Variants in IDS observed in about 807,000 individuals in gnomAD.
IDS encodes iduronate 2-sulfatase.
IDS carries 1 observed loss-of-function variant against 33.5 expected under a neutral mutation model. The observed-to-expected ratio is 0.03, with a 90% CI of 0.01 to 0.14. The LOEUF (loss-of-function observed/expected upper bound fraction) is 0.14. Among genes scored for constraint, IDS ranks in the 10% least tolerant of loss-of-function variants. IDS has a pLI of 1.00. For synonymous variants in IDS, 191 were observed against 184.4 expected (o/e 1.04, Z -0.29); for missense variants, 328 against 448.0 (o/e 0.73, Z 2.42).
In IDS at chrX:149,503,213, G is replaced by A. The variant is rs782124405; in HGVS notation, c.418+99C>T. 311 of 1,169,343 alleles carry A rather than the reference G, an allele frequency of 2.7e-4. 1 individual carries two copies. Among genetic ancestry groups the A allele is most frequent in the Non-Finnish European group, 3.0e-4 (261 of 874,004 alleles). ...GACTAGCGAGGGACTCGCCCAGCCA[G>A]AAGAGGGCTCTGCAAAGACAGCCCC... On this transcript the variant is annotated intron_variant, in intron 3 of 8. Transcript: ENST00000340855.
chrX:149,498,102 T>C lies in IDS; in HGVS notation c.708+5A>G, dbSNP rs199644275. The C allele has an allele frequency of 8.3e-7, 1 of 1,201,958 alleles. No homozygotes were observed. Among genetic ancestry groups the C allele is most frequent in the Non-Finnish European group, 1.1e-6 (1 of 887,777 alleles). ...TGCTGGATCAGCCCTCAACCAGCTC[T>C]TCACCTTGGGGTATCTGAAGGGGAT... On this transcript the variant is annotated splice_donor_5th_base_variant and intron_variant, in intron 5 of 8. Transcript: ENST00000340855.
In IDS at chrX:149,505,081, G is replaced by C. The variant is rs1213093718; in HGVS notation, c.57C>G (p.Ser19=). The C allele has an allele frequency of 8.3e-7, 1 of 1,207,447 alleles. No homozygotes were observed. Among genetic ancestry groups the C allele is most frequent in the East Asian group, 3.0e-5 (1 of 33,587 alleles). Residue 19 remains serine (S), a synonymous_variant, in exon 1 of 9, where the codon TCC becomes TCG. Transcript: ENST00000340855. ...GLLWLGLVLS[S]VCVALGSETQ... ...TTTCGGATCCGAGGGCGACGCAGAC[G>C]GAGCTCAGAACCAGACCCAGCCAGA...
chrX:149,505,007 G>C (rs2089513741), intron 1 of IDS, 28 bp downstream of exon 1: 5 of 1,083,408 alleles, frequency 4.6e-6, no homozygotes, highest in Non-Finnish European at 6.4e-6. Context: ...GAAGGGAGAA[G>C]AGATGGCAGG....
chrX:149,500,249 C>T (rs1557339807), intron 4 of IDS, among the ~76,000 whole-genome samples: 1 of 111,672 alleles, frequency 9.0e-6, no homozygotes. Flanking sequence ...AGCCACAAGC[C>T]AAAGGCCAGA....
intron 3 of IDS, chrX:149,502,179 T>G (rs782287169): frequency 1.2e-5 from 4 of 328,939 alleles, no homozygotes; most frequent in Non-Finnish European, 2.4e-5. Context: ...CCACAAGGGC[T>G]GCAGGGAAAG....
At chrX:149,497,108 C>T (rs369146470) in intron 5 of IDS, among the ~76,000 whole-genome samples, 1 of 111,282 alleles carries the variant, frequency 9.0e-6, no homozygotes, top group African/African-American at 3.3e-5. Context: ...CCTCATTATC[C>T]AGTTTTTATT....
intron 8 of IDS, among the ~76,000 whole-genome samples, chrX:149,485,169 C>T (rs5980473): frequency 0.041 from 4,570 of 111,954 alleles, 84 homozygotes; most frequent in African/African-American, 0.077. Flanking sequence ...GCCACTGTGA[C>T]GACTTTTACT....
intron 6 of IDS, among the ~76,000 whole-genome samples, chrX:149,495,302 T>C (rs1261499071): frequency 8.9e-6 from 1 of 111,852 alleles, no homozygotes; most frequent in East Asian, 2.8e-4. Flanking sequence ...ATTTGAGGAA[T>C]GTACACCTCT....
In IDS at chrX:149,501,007, G is replaced by A. The variant is rs1406337035; in HGVS notation, c.449C>T (p.Pro150Leu). ...GISSNHTDDS[P>L]YSWSFPPYHP... ...ATAAGGTGGAAAAGACCAGCTATACGGAGAATCATCGGTATGGTTAGAAGA... is the reference window on the plus strand; with the variant it reads ...ATAAGGTGGAAAAGACCAGCTATACAGAGAATCATCGGTATGGTTAGAAGA... Residue 150 changes from proline to leucine, a missense_variant, in exon 4 of 9, where the codon CCG (proline) becomes CTG (leucine). Around this residue, in one of 4 missense-constraint regions of IDS, gnomAD observed 265 missense variants for 339.2 expected, o/e 0.78. Coordinates refer to ENST00000340855, the MANE Select transcript of IDS (RefSeq NM_000202.8). 1.9e-5 allele frequency: 22 copies of A among 1,178,487 alleles called. No individual in the cohort carries two copies. Among genetic ancestry groups the A allele is most frequent in the African/African-American group, 8.9e-5 (5 of 56,190 alleles).
At chrX:149,491,664 C>A in intron 6 of IDS, 1 of 1,000,957 alleles carries the variant, frequency 1.0e-6, no homozygotes, top group Non-Finnish European at 1.3e-6. Flanking sequence ...GAACTTTGGT[C>A]CTCCTGGGGA....
At position 149,481,768 on chromosome X, in the gene IDS, G is replaced by T. The variant is rs947298235; in HGVS notation, c.*978C>A. ...ATTACACTAATGAAAAGTCTTCACA[G>T]TCCTCAAAATAATTTAGAATTTAAT... On this transcript the variant is annotated 3_prime_UTR_variant, in exon 9 of 9. Coordinates refer to ENST00000340855, the MANE Select transcript of IDS (RefSeq NM_000202.8). The T allele has an allele frequency of 2.7e-5, 3 of 112,130 alleles. No individual in the cohort carries two copies. The highest frequency in any genetic ancestry group is 9.7e-5 in the African/African-American group (3 of 30,837). 9.2% of individuals were successfully genotyped at this position (112,130 alleles called of 1,213,427 possible).
chrX:149,487,038 T>C lies in IDS; in HGVS notation c.1067A>G (p.His356Arg), dbSNP rs782023226. The change falls in exon 8 of 9, where the codon CAT becomes CGT. Residue 356 changes from histidine to arginine, a missense_variant. His to Arg is a conservative substitution (Grantham distance 29). Transcript: ENST00000340855. ...AGGAACATAGAATATCAGGGGAACA[T>C]GGGTAGCAACATCAAAATTGCTGTA... ...AKYSNFDVATHVPLIFYVPGR... is the reference protein window; with the variant it reads ...AKYSNFDVATRVPLIFYVPGR... The C allele has an allele frequency of 4.1e-6, 5 of 1,211,595 alleles. No individual in the cohort carries two copies. The highest frequency in any genetic ancestry group is 5.9e-5 in the East Asian group (2 of 33,829).
rs1602730843 is a variant in IDS at position 149,487,188 on chromosome X, A to G, written c.1007-90T>C. ...TAGATACCATTTCATTTCCTGTTGT[A>G]AAAACCAGAGGAAGTAGAAACTCAT... On this transcript the variant is annotated intron_variant, in intron 7 of 8. Transcript: ENST00000340855. 5 of 1,207,363 alleles carry G rather than the reference A, an allele frequency of 4.1e-6. No individual in the cohort carries two copies. In the East Asian group the frequency reaches 1.5e-4, roughly 36 times the overall value.
Position 149,480,981 on chromosome X carries a change from G to A in IDS, c.*1765C>T, listed in dbSNP as rs2089293424. The A allele has an allele frequency of 8.9e-6, 1 of 112,211 alleles. No individual in the cohort carries two copies. The highest frequency in any genetic ancestry group is 3.2e-5 in the African/African-American group (1 of 30,841). The allele number at this position is 112,211 out of a possible 1,213,427, so 9.2% of individuals were successfully genotyped here. On this transcript the variant is annotated 3_prime_UTR_variant, in exon 9 of 9. Transcript: ENST00000340855. ...GAGGACCACTAATAAGTTATGTCCA[G>A]CTTAGTGGGGTTGGGGAAAGGTTAT...
Position 149,480,341 on chromosome X carries a change from T to G in IDS, c.*2405A>C, listed in dbSNP as rs1328679228. ...GCAATGGGAGTGGGGAGGAAGGGGC[T>G]GATTGCCTTTGTGACCTCACTACCA... is the stretch of plus-strand genomic sequence containing the variant. On this transcript the variant is annotated 3_prime_UTR_variant, in exon 9 of 9. Transcript: ENST00000340855. The G allele has an allele frequency of 1.7e-5, 5 of 295,604 alleles. No homozygotes were observed. Among genetic ancestry groups the G allele is most frequent in the African/African-American group, 1.4e-4 (5 of 36,293 alleles). 24.4% of individuals were successfully genotyped at this position (295,604 alleles called of 1,213,427 possible). A position where few individuals can be genotyped will look rare whatever the true frequency, so the allele number is the denominator to read the frequency against.
Position 149,503,334 on chromosome X carries a change from C to G in IDS, c.396G>C (p.Ser132=). ...YFKENGYVTM[S]VGKVFHPGIS... ...TACCAGGGTGAAAGACTTTTCCCACCGACATGGTCACATAGCCATTCTCCT... is the reference window on the plus strand; with the variant it reads ...TACCAGGGTGAAAGACTTTTCCCACGGACATGGTCACATAGCCATTCTCCT... The change falls in exon 3 of 9, where the codon TCG becomes TCC. Residue 132 remains serine, a synonymous_variant. Transcript: ENST00000340855. 1 of 1,207,822 alleles carries G rather than the reference C, an allele frequency of 8.3e-7. No individual in the cohort carries two copies. Among genetic ancestry groups the G allele is most frequent in the Non-Finnish European group, 1.1e-6 (1 of 893,645 alleles).
intron 6 of IDS, among the ~76,000 whole-genome samples, chrX:149,492,120 G>A (rs1250651381): frequency 6.2e-5 from 7 of 112,267 alleles, no homozygotes; most frequent in African/African-American, 2.3e-4. Flanking sequence ...AAACAAGCCT[G>A]TTTAAGATAA....
Position 149,503,826 on chromosome X carries a change from C to A in IDS, c.240+331G>T, listed in dbSNP as rs1267741525. Among the ~76,000 whole-genome samples, 3 of 112,042 alleles carry A rather than the reference C, an allele frequency of 2.7e-5. No homozygotes were observed. In the Admixed American group the frequency reaches 2.8e-4, roughly 10 times the overall value. The stretch of plus-strand genomic sequence containing the variant: ...ACCCTGGCTAGCTCTCACCTGAGGC[C>A]CAGCCTGCAGACCTGTGGGTGCCCT... On this transcript the variant is annotated intron_variant, in intron 2 of 8. Coordinates refer to ENST00000340855, the MANE Select transcript of IDS (RefSeq NM_000202.8).
chrX:149,485,882 G>T (rs1285823242), intron 8 of IDS, among the ~76,000 whole-genome samples: 1 of 111,867 alleles, frequency 8.9e-6, no homozygotes, highest in Non-Finnish European at 1.9e-5. Flanking sequence ...AATAAAATTG[G>T]GTAGTATAAA....
Sources: gnomAD v4.1 joint callset for allele counts (sites outside exome capture counted in the v4.1 genomes callset) on GRCh38, gnomAD v4.1.1 for gene constraint, gnomAD v4.1.1 regional missense constraint, MANE v1.5 for transcripts, NCBI Gene and HGNC (gene_info 2026-07-23, HGNC 2026-07-21) for gene names.